KIF16B: variants seen among roughly 807,000 people sequenced by gnomAD.
KIF16B encodes the protein kinesin-like protein KIF16B.
KIF16B carries 98 observed loss-of-function variants against 156.3 expected under a neutral mutation model. That is an observed-to-expected ratio of 0.63 (90% CI 0.53 to 0.74). The LOEUF is 0.74. Among genes scored for constraint, KIF16B ranks in the 30% least tolerant of loss-of-function variants. The pLI is 0.00. For synonymous variants in KIF16B, 564 were observed against 583.7 expected (o/e 0.97, Z 0.49); for missense variants, 1,421 against 1,606.5 (o/e 0.88, Z 1.97).
chr20:16,313,837 G>A (rs1441717156), intron 24 of KIF16B, among the ~76,000 whole-genome samples: 9 of 152,090 alleles, frequency 5.9e-5, no homozygotes. Flanking sequence ...TCATTATCTT[G>A]CTGTTGGGCT....
At chr20:16,375,745 A>C (rs1465270319) in intron 19 of KIF16B, among the ~76,000 whole-genome samples, 4 of 152,146 alleles carry the variant, frequency 2.6e-5, no homozygotes, top group Non-Finnish European at 5.9e-5. Flanking sequence ...ACAGTTAAGA[A>C]AACTCCTGCT....
At chr20:16,520,025 G>A (rs539041092) in intron 3 of KIF16B, among the ~76,000 whole-genome samples, 3 of 152,198 alleles carry the variant, frequency 2.0e-5, no homozygotes, top group African/African-American at 4.8e-5. Flanking sequence ...TTCGCAACTC[G>A]CAGACCAGGA....
At chr20:16,431,911 T>TACACACACACAC (rs1360937595) in intron 12 of KIF16B, among the ~76,000 whole-genome samples, 16 of 58,438 alleles carry the variant, frequency 2.7e-4, no homozygotes, top group African/African-American at 1.3e-3. Context: ...TATGTATACG[T>TACACACACACAC]ATACACACAC....
chr20:16,566,376 C>T (rs1010165617), intron 1 of KIF16B, among the ~76,000 whole-genome samples: 1 of 151,914 alleles, frequency 6.6e-6, no homozygotes, highest in East Asian at 1.9e-4. Context: ...CAGCCCTTGG[C>T]AAATGGTAAA....
chr20:16,456,910 C>A (rs2067227143), intron 12 of KIF16B, among the ~76,000 whole-genome samples: 1 of 152,178 alleles, frequency 6.6e-6, no homozygotes, highest in Non-Finnish European at 1.5e-5. Flanking sequence ...GGCTTCAGGG[C>A]ATAGAACTGA....
chr20:16,413,874 G>C (rs947750896), intron 15 of KIF16B, among the ~76,000 whole-genome samples: 1 of 145,892 alleles, frequency 6.9e-6, no homozygotes, highest in Non-Finnish European at 1.5e-5. Context: ...AAATGGTATT[G>C]AGTGAGAGGC....
intron 12 of KIF16B, among the ~76,000 whole-genome samples, chr20:16,480,827 G>A (rs2067962384): frequency 6.6e-6 from 1 of 152,024 alleles, no homozygotes; most frequent in Non-Finnish European, 1.5e-5. Context: ...TTAATTCTGT[G>A]AACAAATAAC....
intron 10 of KIF16B, among the ~76,000 whole-genome samples, chr20:16,501,418 C>T (rs1233068070): frequency 6.6e-6 from 1 of 151,958 alleles, no homozygotes; most frequent in African/African-American, 2.4e-5. Context: ...TTAACTGGCA[C>T]AACTACTTTT....
At chr20:16,513,788 A>C (rs768166226) in intron 4 of KIF16B, among the ~76,000 whole-genome samples, 4 of 152,148 alleles carry the variant, frequency 2.6e-5, no homozygotes, top group Non-Finnish European at 5.9e-5. Context: ...TATAACGTTC[A>C]ATAATGTTCA....
chr20:16,548,063 T>C (rs2070482325), intron 1 of KIF16B, among the ~76,000 whole-genome samples: 1 of 152,184 alleles, frequency 6.6e-6, no homozygotes, highest in African/African-American at 2.4e-5. Context: ...GAGGCACAAT[T>C]AGTGGCTTAT....
intron 24 of KIF16B, among the ~76,000 whole-genome samples, chr20:16,333,869 C>T (rs1444407621): frequency 6.6e-6 from 1 of 152,120 alleles, no homozygotes. Context: ...CTAAAGTGTG[C>T]CCAACACCTT....
intron 12 of KIF16B, among the ~76,000 whole-genome samples, chr20:16,456,601 C>G (rs1372064290): frequency 4.6e-5 from 7 of 152,060 alleles, no homozygotes; most frequent in Non-Finnish European, 1.0e-4. Flanking sequence ...ATCATAAAGG[C>G]TAAAATATAA....
intron 22 of KIF16B, among the ~76,000 whole-genome samples, chr20:16,359,476 C>A (rs1335301012): frequency 6.6e-6 from 1 of 152,130 alleles, no homozygotes; most frequent in Non-Finnish European, 1.5e-5. Context: ...ACACAGCCTG[C>A]AGAACCATGA....
chr20:16,336,677 A>G (rs1443999897), intron 23 of KIF16B, among the ~76,000 whole-genome samples: 1 of 152,082 alleles, frequency 6.6e-6, no homozygotes, highest in African/African-American at 2.4e-5. Context: ...ACCATACTCA[A>G]CATATTCCCT....
chr20:16,323,891 C>G (rs2063806039), intron 24 of KIF16B, among the ~76,000 whole-genome samples: 1 of 151,914 alleles, frequency 6.6e-6, no homozygotes, highest in South Asian at 2.1e-4. Flanking sequence ...ATAGTTAGCA[C>G]TACACCATCT....
chr20:16,517,487 A>C (rs2069180220), intron 3 of KIF16B, among the ~76,000 whole-genome samples: 1 of 152,220 alleles, frequency 6.6e-6, no homozygotes, highest in African/African-American at 2.4e-5. Flanking sequence ...TACAAGACCC[A>C]TTGATGAGGA....
At chr20:16,555,679 T>C (rs6044111) in intron 1 of KIF16B, among the ~76,000 whole-genome samples, 31,170 of 152,094 alleles carry the variant, frequency 0.2, 3,413 homozygotes, top group African/African-American at 0.29. Flanking sequence ...GAAAAATACA[T>C]CACCTTTATT....
chr20:16,487,206 C>T (rs1315252771), intron 12 of KIF16B, among the ~76,000 whole-genome samples: 9 of 151,712 alleles, frequency 5.9e-5, no homozygotes, highest in Admixed American at 2.0e-4. Flanking sequence ...GAGCCAAGAT[C>T]GCGCCACTGC....
rs141081394 is a variant in KIF16B, at chr20:16,524,299, A to C, written c.231+1793T>G. 3.2e-3 allele frequency among the ~76,000 whole-genome samples: 484 copies of C among 152,338 alleles called. 6 individuals are homozygous for C. Among genetic ancestry groups the C allele is most frequent in the Admixed American group, 0.021 (323 of 15,296 alleles). Reference sequence around the variant, plus strand: ...ATCTGACAAAGGGCTAATATCCAGAATCTACAAGGAACTTAAACAAATTTA... The same window carrying C: ...ATCTGACAAAGGGCTAATATCCAGACTCTACAAGGAACTTAAACAAATTTA... On this transcript the variant is annotated intron_variant, in intron 3 of 25. Transcript: ENST00000354981.
Sources: gnomAD v4.1 joint callset for allele counts (sites outside exome capture counted in the v4.1 genomes callset) on GRCh38, gnomAD v4.1.1 for gene constraint, MANE v1.5 for transcripts, NCBI Gene and HGNC (gene_info 2026-07-23, HGNC 2026-07-21) for gene names.